ESCO1: variants seen among roughly 807,000 people sequenced by gnomAD.
The protein encoded by ESCO1 is establishment of sister chromatid cohesion N-acetyltransferase 1.
In ESCO1, 33 loss-of-function variants were observed where a neutral mutation model predicts 83.5. The observed-to-expected ratio is 0.40, with a 90% CI of 0.30 to 0.53. ESCO1 has a LOEUF of 0.53. ESCO1 is among the 20% of genes least tolerant of loss of function. The probability of loss-of-function intolerance (pLI) is 0.63; values close to 1 mark genes in which losing one functional copy is unlikely to be tolerated. For missense variants in ESCO1, 855 were observed against 968.0 expected (o/e 0.88, Z 1.55); for synonymous variants, 332 against 324.3 (o/e 1.02, Z -0.25).
intron 6 of ESCO1, 84 bp downstream of exon 6, chr18:21,566,062 G>C (rs1297016011): frequency 4.0e-6 from 5 of 1,249,286 alleles, no homozygotes; most frequent in Non-Finnish European, 5.8e-6. Context: ...AGGGTTACTA[G>C]CATAACTTTT....
intron 8 of ESCO1, among the ~76,000 whole-genome samples, chr18:21,541,733 C>G (rs145644689): frequency 1.1e-4 from 16 of 151,914 alleles, no homozygotes; most frequent in African/African-American, 3.6e-4. Flanking sequence ...TATGAAAAAG[C>G]TTTTAAATTT....
rs781532392 is a variant in ESCO1 at position 21,595,364 on chromosome 18, CAAAA to C, written c.-825+5255_-825+5258del. Among the ~76,000 whole-genome samples, 13 of 43,742 alleles carry C rather than the reference CAAAA, an allele frequency of 3.0e-4. No homozygotes were observed. In the Admixed American group the frequency reaches 3.3e-3, roughly 11 times the overall value. 28.7% of individuals were successfully genotyped at this position (43,742 alleles called of 152,430 possible). ...GGGCTGTAAGAGCAAAACTCCGTCT[CAAAA>C]AAAAAAAAAAAAAAAAAAGGGGCCG... On this transcript the variant is annotated intron_variant, in intron 1 of 11. Transcript: ENST00000269214.
chr18:21,549,662 C>T (rs1229321756), intron 8 of ESCO1, among the ~76,000 whole-genome samples: 3 of 151,972 alleles, frequency 2.0e-5, no homozygotes, highest in Non-Finnish European at 4.4e-5. Context: ...GTTTTGCTCC[C>T]AATTAGGATA....
chr18:21,573,873 T>C lies in ESCO1; in HGVS notation c.971A>G (p.Glu324Gly). ...IESDNVEVKKESSQMESVKEE... is the reference protein window; with the variant it reads ...IESDNVEVKKGSSQMESVKEE... ...CTTTACACTTTCCATTTGTGAAGAT[T>C]CCTTTTTTACCTCTACATTATCTGA... Residue 324 changes from glutamate (E) to glycine (G), a missense_variant, in exon 4 of 12, where the codon GAA (glutamate) becomes GGA (glycine). Glu to Gly is a moderately conservative substitution (Grantham distance 98, BLOSUM62 -2). Around this residue, in one of 2 missense-constraint regions of ESCO1, gnomAD observed 726 missense variants for 699.5 expected, o/e 1.04. Coordinates refer to ENST00000269214, the MANE Select transcript of ESCO1 (RefSeq NM_052911.3). 4 of 1,614,110 alleles carry C rather than the reference T, an allele frequency of 2.5e-6. No homozygotes were observed. Among genetic ancestry groups the C allele is most frequent in the Non-Finnish European group, 3.4e-6 (4 of 1,180,028 alleles).
chr18:21,549,970 A>T (rs531844554), intron 8 of ESCO1, among the ~76,000 whole-genome samples: 179 of 152,222 alleles, frequency 1.2e-3, no homozygotes, highest in Admixed American at 2.9e-3. Context: ...CTCCAAAAAA[A>T]AAAAAAAGAA....
Position 21,575,727 on chromosome 18 carries a change from A to C in ESCO1, c.-643T>G, listed in dbSNP as rs1216011277. ...CTCAGCCACCATAACTCATGAAGAA[A>C]ATTAGACAAAACCATTCCTTCTAAT... is the stretch of plus-strand genomic sequence containing the variant. On this transcript the variant is annotated 5_prime_UTR_variant, in exon 3 of 12. It adds an upstream start codon to the 5' untranslated region. Transcript: ENST00000269214. 1 of 398,232 alleles carries C rather than the reference A, an allele frequency of 2.5e-6. No individual in the cohort carries two copies. The highest frequency in any genetic ancestry group is 4.4e-6 in the Non-Finnish European group (1 of 225,926). The allele number at this position is 398,232 out of a possible 1,614,324, so 24.7% of individuals were successfully genotyped here. A position where few individuals can be genotyped will look rare whatever the true frequency, so the allele number is the denominator to read the frequency against.
At chr18:21,564,557 ATT>A (rs35032343) in intron 6 of ESCO1, among the ~76,000 whole-genome samples, 94 of 146,918 alleles carry the variant, frequency 6.4e-4, no homozygotes, top group Non-Finnish European at 8.6e-4. Flanking sequence ...CGCCCAGCTA[ATT>A]TTTTTTTTTT....
intron 4 of ESCO1, among the ~76,000 whole-genome samples, chr18:21,570,111 C>A (rs1346802511): frequency 6.6e-6 from 1 of 152,062 alleles, no homozygotes; most frequent in East Asian, 1.9e-4. Context: ...TCTTCTTTTT[C>A]TTTTGAGATA....
chr18:21,545,400 CCGT>C (rs1018124279), intron 8 of ESCO1, among the ~76,000 whole-genome samples: 5 of 151,586 alleles, frequency 3.3e-5, no homozygotes, highest in African/African-American at 1.2e-4. Flanking sequence ...ATGGCAAACC[CCGT>C]CTCTACTAAA....
At chr18:21,595,022 T>C (rs1032391570) in intron 1 of ESCO1, among the ~76,000 whole-genome samples, 1 of 151,672 alleles carries the variant, frequency 6.6e-6, no homozygotes, top group African/African-American at 2.4e-5. Flanking sequence ...GGCTAGTGTT[T>C]TTTTTGTAGA....
At chr18:21,535,125 G>C (rs1421737931) in intron 10 of ESCO1, among the ~76,000 whole-genome samples, 1 of 152,070 alleles carries the variant, frequency 6.6e-6, no homozygotes, top group Non-Finnish European at 1.5e-5. Flanking sequence ...GCCTAGCCTT[G>C]ACTTACTCCA....
chr18:21,582,524 G>T (rs2038516798), intron 2 of ESCO1, among the ~76,000 whole-genome samples: 1 of 152,158 alleles, frequency 6.6e-6, no homozygotes, highest in South Asian at 2.1e-4. Flanking sequence ...ACCATGTCCA[G>T]CCAGGAAATC....
chr18:21,594,960 T>TGTGTGTGG (rs1315552947), intron 1 of ESCO1, among the ~76,000 whole-genome samples: 3 of 151,506 alleles, frequency 2.0e-5, no homozygotes, highest in African/African-American at 7.3e-5. Context: ...TGTGTGTGTG[T>TGTGTGTGG]GTGTGTATCT....
chr18:21,581,668 T>C (rs2038504459), intron 2 of ESCO1, among the ~76,000 whole-genome samples: 1 of 152,022 alleles, frequency 6.6e-6, no homozygotes, highest in Non-Finnish European at 1.5e-5. Context: ...CATCAGGGAA[T>C]TTAGTACATA....
At chr18:21,559,763 C>T (rs2038158995) in intron 8 of ESCO1, among the ~76,000 whole-genome samples, 1 of 152,112 alleles carries the variant, frequency 6.6e-6, no homozygotes, top group Non-Finnish European at 1.5e-5. Flanking sequence ...AAAACAATAT[C>T]CAGCTATAGA....
chr18:21,587,168 TATTC>T (rs1436281647), intron 1 of ESCO1, among the ~76,000 whole-genome samples: 1 of 152,224 alleles, frequency 6.6e-6, no homozygotes, highest in East Asian at 1.9e-4. Flanking sequence ...TGTGTGGACA[TATTC>T]ATAAGAAATA....
intron 1 of ESCO1, among the ~76,000 whole-genome samples, chr18:21,591,983 G>T (rs530681224): frequency 6.6e-6 from 1 of 151,596 alleles, no homozygotes; most frequent in Non-Finnish European, 1.5e-5. Context: ...CACAGGGTTG[G>T]GGGGTAAGGT....
intron 2 of ESCO1, among the ~76,000 whole-genome samples, chr18:21,582,997 G>C (rs2038523912): frequency 6.6e-6 from 1 of 152,084 alleles, no homozygotes; most frequent in Non-Finnish European, 1.5e-5. Flanking sequence ...TTCGAGACCA[G>C]GCTGGCCAAC....
At chr18:21,567,906 A>G in intron 5 of ESCO1, 74 bp downstream of exon 5, 4 of 1,097,052 alleles carry the variant, frequency 3.6e-6, no homozygotes, top group East Asian at 4.8e-5. Context: ...TATTTGGTAT[A>G]TAACATTTTC....
Sources: gnomAD v4.1 joint callset for allele counts (sites outside exome capture counted in the v4.1 genomes callset) on GRCh38, gnomAD v4.1.1 for gene constraint, gnomAD v4.1.1 regional missense constraint, MANE v1.5 for transcripts, NCBI Gene and HGNC (gene_info 2026-07-23, HGNC 2026-07-21) for gene names.